The following LHFPL3 variants were observed in gnomAD, a reference collection of about 807,000 sequenced individuals.
LHFPL3 encodes LHFPL tetraspan subfamily member 3.
Under a neutral mutation model 19.3 loss-of-function variants are expected in LHFPL3, and 5 were observed. The observed-to-expected ratio is 0.26, with a 90% CI of 0.14 to 0.54. The LOEUF (loss-of-function observed/expected upper bound fraction) is 0.54. Ranked by LOEUF, LHFPL3 falls within the 20% of genes least tolerant of loss-of-function variation. The pLI is 0.94. For synonymous variants in LHFPL3, 133 were observed against 126.2 expected (o/e 1.05, Z -0.36); for missense variants, 249 against 307.4 (o/e 0.81, Z 1.42).
intron 2 of LHFPL3, among the ~76,000 whole-genome samples, chr7:104,740,459 C>A (rs1420721819): frequency 6.6e-6 from 1 of 152,174 alleles, no homozygotes; most frequent in Non-Finnish European, 1.5e-5. Flanking sequence ...AACACACTTC[C>A]CCATTTATCT....
chr7:104,659,378 G>A (rs983048634), intron 1 of LHFPL3, among the ~76,000 whole-genome samples: 1 of 152,208 alleles, frequency 6.6e-6, no homozygotes, highest in African/African-American at 2.4e-5. Flanking sequence ...CACCCAGGTT[G>A]CAGAGCCAAG....
chr7:104,451,612 T>C (rs1305175895), intron 1 of LHFPL3, among the ~76,000 whole-genome samples: 1 of 103,108 alleles, frequency 9.7e-6, no homozygotes, highest in Non-Finnish European at 2.4e-5. Context: ...AAAAACATCC[T>C]TTTTTCTTCT....
chr7:104,831,229 T>TAAAAA (rs10644867), intron 2 of LHFPL3, among the ~76,000 whole-genome samples: 2 of 151,788 alleles, frequency 1.3e-5, no homozygotes, highest in African/African-American at 4.9e-5. Flanking sequence ...TTATTCTTAA[T>TAAAAA]AAAATGTTAT....
intron 1 of LHFPL3, among the ~76,000 whole-genome samples, chr7:104,447,953 G>T (rs1318886670): frequency 6.6e-6 from 1 of 152,044 alleles, no homozygotes; most frequent in Non-Finnish European, 1.5e-5. Context: ...AATGATTAAT[G>T]TTGGCAATTT....
intron 1 of LHFPL3, among the ~76,000 whole-genome samples, chr7:104,642,211 T>A (rs1791850203): frequency 6.6e-6 from 1 of 151,964 alleles, no homozygotes; most frequent in Non-Finnish European, 1.5e-5. Context: ...CTAATTTTTG[T>A]GTTTTTAGTA....
chr7:104,365,024 G>T (rs2116417149), intron 1 of LHFPL3, among the ~76,000 whole-genome samples: 1 of 152,308 alleles, frequency 6.6e-6, no homozygotes, highest in African/African-American at 2.4e-5. Context: ...AGCAGGCTGG[G>T]TGTGGTGGCT....
At position 104,614,676 on chromosome 7, in the gene LHFPL3, CTTCCTTCTTTCT is replaced by C. The variant is rs1411339131; in HGVS notation, c.446-121995_446-121984del. Among the ~76,000 whole-genome samples the C allele has an allele frequency of 7.9e-3, 772 of 97,322 alleles. 9 individuals are homozygous for C. The highest frequency in any genetic ancestry group is 0.018 in the African/African-American group (499 of 27,278). The allele number at this position is 97,322 out of a possible 152,430, so 63.8% of individuals were successfully genotyped here. A position where few individuals can be genotyped will look rare whatever the true frequency, so the allele number is the denominator to read the frequency against. On this transcript the variant is annotated intron_variant, in intron 1 of 2. Coordinates refer to ENST00000424859, the MANE Select transcript of LHFPL3 (RefSeq NM_199000.3). ...CTCTCCTTCCTTCCTTCCTTCCTTCCTTCCTTCTTTCTTTCTTTCTTTCTTTCTTTCTTTCTT... is the reference window on the plus strand; with the variant it reads ...CTCTCCTTCCTTCCTTCCTTCCTTCCTTCTTTCTTTCTTTCTTTCTTTCTT...
chr7:104,891,712 G>A (rs1402036423), intron 2 of LHFPL3, among the ~76,000 whole-genome samples: 1 of 152,242 alleles, frequency 6.6e-6, no homozygotes, highest in Non-Finnish European at 1.5e-5. Flanking sequence ...ATCTGTGGAA[G>A]AAGAATGTCC....
chr7:104,449,245 A>G (rs1429079838), intron 1 of LHFPL3, among the ~76,000 whole-genome samples: 1 of 152,178 alleles, frequency 6.6e-6, no homozygotes. Flanking sequence ...GAGTTCCTAC[A>G]CACTGTAAGA....
chr7:104,362,263 T>C (rs953713082), intron 1 of LHFPL3, among the ~76,000 whole-genome samples: 2 of 152,180 alleles, frequency 1.3e-5, no homozygotes, highest in African/African-American at 4.8e-5. Flanking sequence ...TGCAGGCCAC[T>C]GGGGCTCTAT....
At chr7:104,411,625 CA>C (rs2116513811) in intron 1 of LHFPL3, among the ~76,000 whole-genome samples, 1 of 152,130 alleles carries the variant, frequency 6.6e-6, no homozygotes, top group South Asian at 2.1e-4. Context: ...CCTTAGAAAA[CA>C]AAATTTGCTC....
intron 1 of LHFPL3, among the ~76,000 whole-genome samples, chr7:104,496,793 C>G (rs1793491724): frequency 6.6e-6 from 1 of 152,136 alleles, no homozygotes; most frequent in Non-Finnish European, 1.5e-5. Context: ...TCATCACTAC[C>G]AGATGTTAGG....
chr7:104,407,542 G>A (rs980654797), intron 1 of LHFPL3, among the ~76,000 whole-genome samples: 13 of 152,178 alleles, frequency 8.5e-5, no homozygotes, highest in Admixed American at 2.0e-4. Context: ...TGTAGTCCCA[G>A]CTACTAGGGA....
At chr7:104,662,841 T>C (rs549765378) in intron 1 of LHFPL3, among the ~76,000 whole-genome samples, 151 of 152,358 alleles carry the variant, frequency 9.9e-4, no homozygotes, top group African/African-American at 3.5e-3. Context: ...TTGCAATTAG[T>C]TCACTGATTT....
intron 1 of LHFPL3, among the ~76,000 whole-genome samples, chr7:104,388,516 A>G (rs1211061868): frequency 6.6e-6 from 1 of 152,138 alleles, no homozygotes; most frequent in Non-Finnish European, 1.5e-5. Context: ...TCTAAATAGT[A>G]AAAAACGAAC....
Position 104,360,884 on chromosome 7 carries a change from C to T in LHFPL3, c.445+31660C>T, listed in dbSNP as rs532056749. Among the ~76,000 whole-genome samples the T allele has an allele frequency of 5.9e-5, 9 of 152,222 alleles. No individual in the cohort carries two copies. The East Asian group carries it at 1.4e-3, about 23-fold the overall frequency. ...GGTCTCTAAGCCAGGGATGGGCAAA[C>T]GATAGCCCATGGGCTAAATTCCTCT... On this transcript the variant is annotated intron_variant, in intron 1 of 2. Transcript: ENST00000424859.
chr7:104,444,969 C>G (rs1382546537), intron 1 of LHFPL3, among the ~76,000 whole-genome samples: 1 of 150,138 alleles, frequency 6.7e-6, no homozygotes, highest in Admixed American at 6.7e-5. Flanking sequence ...GCCTGGGCAA[C>G]AAGAGTGAAA....
At chr7:104,462,322 G>GTGCTT (rs2115576333) in intron 1 of LHFPL3, among the ~76,000 whole-genome samples, 1 of 151,848 alleles carries the variant, frequency 6.6e-6, no homozygotes, top group African/African-American at 2.4e-5. Context: ...CTTGTGCCCA[G>GTGCTT]TGCTTCCAGC....
At chr7:104,775,030 C>T (rs904883609) in intron 2 of LHFPL3, among the ~76,000 whole-genome samples, 19 of 152,304 alleles carry the variant, frequency 1.2e-4, no homozygotes, top group East Asian at 9.6e-4. Flanking sequence ...ATTGTCAATA[C>T]GTGCCAGAGT....
Sources: allele counts gnomAD v4.1 joint callset (sites outside exome capture counted in the v4.1 genomes callset), GRCh38; gene constraint gnomAD v4.1.1; transcripts MANE v1.5; gene names NCBI Gene and HGNC (gene_info 2026-07-23, HGNC 2026-07-21).